The following CFDP1 variants were observed in gnomAD, a reference collection of about 807,000 sequenced individuals.
CFDP1 encodes heterochromatin-stabilizing protein CFDP1.
CFDP1 carries 31 observed loss-of-function variants against 40.1 expected under a neutral mutation model. The observed-to-expected ratio is 0.77, with a 90% CI of 0.58 to 1.04. The LOEUF is 1.04. Ranked by LOEUF, CFDP1 falls within the 50% of genes least tolerant of loss-of-function variation. The pLI is 0.00. For missense variants in CFDP1, 423 were observed against 343.4 expected (o/e 1.23, Z -1.83); for synonymous variants, 167 against 120.0 (o/e 1.39, Z -2.56).
intron 1 of CFDP1, among the ~76,000 whole-genome samples, chr16:75,416,605 C>CA (rs1189020439): frequency 1.3e-5 from 2 of 151,800 alleles, no homozygotes; most frequent in Non-Finnish European, 2.9e-5. Flanking sequence ...CAAAAAAATA[C>CA]AAAAATTAGC....
At position 75,313,917 on chromosome 16, in the gene CFDP1, C is replaced by T. The variant is rs1233093674; in HGVS notation, c.651-8735G>A. 2.0e-5 allele frequency among the ~76,000 whole-genome samples: 3 copies of T among 151,794 alleles called. No homozygotes were observed. The East Asian group carries it at 5.8e-4, about 29-fold the overall frequency. ...TTGTTTTTTTTTAGACGGAGCCTTG[C>T]TCTGTTGCCCAAGCTACAGTGCAGT... On this transcript the variant is annotated intron_variant, in intron 5 of 6. Coordinates refer to ENST00000283882, the MANE Select transcript of CFDP1 (RefSeq NM_006324.3).
chr16:75,405,014 T>C (rs923412555), intron 4 of CFDP1, among the ~76,000 whole-genome samples: 6 of 152,194 alleles, frequency 3.9e-5, no homozygotes, highest in South Asian at 2.1e-4. Context: ...CAAAACTACC[T>C]GTTATTGGTC....
rs756591611 is a variant in CFDP1, at chr16:75,433,270, C to G, written c.64+19G>C. ...TGGGGCGGGGCAATTCGCTTCTCGC[C>G]TCAGGCGGAATCGCTCACCCGACGG... is the stretch of plus-strand genomic sequence containing the variant. On this transcript the variant is annotated intron_variant, in intron 1 of 6. Coordinates refer to ENST00000283882, the MANE Select transcript of CFDP1 (RefSeq NM_006324.3). 6.3e-7 allele frequency: 1 copy of G among 1,589,534 alleles called. No individual in the cohort carries two copies. Among genetic ancestry groups the G allele is most frequent in the Non-Finnish European group, 8.5e-7 (1 of 1,170,284 alleles).
chr16:75,347,343 C>CAAAAAAAAAAAAAAAAAA (rs762900031), intron 5 of CFDP1, among the ~76,000 whole-genome samples: 12 of 91,608 alleles, frequency 1.3e-4, no homozygotes, highest in Non-Finnish European at 2.1e-4. Flanking sequence ...GACTCCATCT[C>CAAAAAAAAAAAAAAAAAA]AAAAAAAAAA....
chr16:75,338,940 C>T (rs2078508844), intron 5 of CFDP1, among the ~76,000 whole-genome samples: 1 of 152,184 alleles, frequency 6.6e-6, no homozygotes, highest in Non-Finnish European at 1.5e-5. Flanking sequence ...TTTTCTCTCT[C>T]TGGACGCTTC....
chr16:75,306,785 C>T (rs1360383460), intron 5 of CFDP1, among the ~76,000 whole-genome samples: 1 of 152,042 alleles, frequency 6.6e-6, no homozygotes, highest in Non-Finnish European at 1.5e-5. Context: ...CTTAAGAGAA[C>T]TCCAAATAGC....
chr16:75,316,781 C>T (rs1391569733), intron 5 of CFDP1, among the ~76,000 whole-genome samples: 1 of 151,936 alleles, frequency 6.6e-6, no homozygotes, highest in Non-Finnish European at 1.5e-5. Context: ...ACCAGCCTGA[C>T]CAACACAGAG....
intron 5 of CFDP1, among the ~76,000 whole-genome samples, chr16:75,358,085 G>A (rs901455050): frequency 6.6e-6 from 1 of 152,096 alleles, no homozygotes; most frequent in Non-Finnish European, 1.5e-5. Flanking sequence ...GGCTCATGGT[G>A]CTCCAAAACA....
intron 4 of CFDP1, among the ~76,000 whole-genome samples, chr16:75,410,089 C>G (rs1018433957): frequency 1.4e-4 from 15 of 106,480 alleles, no homozygotes; most frequent in South Asian, 6.2e-4. Context: ...AAAAAAAACC[C>G]AAAACAAAAA....
At chr16:75,344,301 G>C (rs66886787) in intron 5 of CFDP1, among the ~76,000 whole-genome samples, 1 of 152,070 alleles carries the variant, frequency 6.6e-6, no homozygotes, top group Admixed American at 6.5e-5. Context: ...GTGTATGTAC[G>C]AAATGCCACT....
rs142410408 is a variant in CFDP1, at chr16:75,312,316, A to T, written c.651-7134T>A. Among the ~76,000 whole-genome samples, 57 of 152,342 alleles carry T rather than the reference A, an allele frequency of 3.7e-4. 1 individual carries two copies. The highest frequency in any genetic ancestry group is 1.4e-3 in the African/African-American group (57 of 41,580). The stretch of plus-strand genomic sequence containing the variant: ...AGGAAAGCAGAAAACCAGAAGTATG[A>T]CAAGAAGTTCCAAAGATTTTTAAAC... On this transcript the variant is annotated intron_variant, in intron 5 of 6. Coordinates refer to ENST00000283882, the MANE Select transcript of CFDP1 (RefSeq NM_006324.3).
intron 5 of CFDP1, among the ~76,000 whole-genome samples, chr16:75,330,570 C>T (rs1450057588): frequency 6.6e-6 from 1 of 152,140 alleles, no homozygotes; most frequent in African/African-American, 2.4e-5. Flanking sequence ...GCCTGGGCAA[C>T]AAGAGTGAAA....
Position 75,410,055 on chromosome 16 carries a change from C to CAA in CFDP1, c.530+1768_530+1769dup, listed in dbSNP as rs150987819. 1.4e-3 allele frequency among the ~76,000 whole-genome samples: 73 copies of CAA among 52,550 alleles called. 3 individuals are homozygous for CAA. Among genetic ancestry groups the CAA allele is most frequent in the African/African-American group, 4.3e-3 (54 of 12,536 alleles). The allele number at this position is 52,550 out of a possible 152,430, so 34.5% of individuals were successfully genotyped here. A position where few individuals can be genotyped will look rare whatever the true frequency, so the allele number is the denominator to read the frequency against. ...TAGGCAACACAGCAAGACCCTTTCT[C>CAA]AAAAAAAAAAAAAAAAAAAAAAAAA... On this transcript the variant is annotated intron_variant, in intron 4 of 6. Transcript: ENST00000283882.
chr16:75,397,124 C>T (rs964541988), intron 4 of CFDP1, among the ~76,000 whole-genome samples: 3 of 151,814 alleles, frequency 2.0e-5, no homozygotes, highest in Non-Finnish European at 1.5e-5. Context: ...CCGTGTTAGC[C>T]AGGATGGTCT....
At chr16:75,357,572 G>A (rs1000670412) in intron 5 of CFDP1, among the ~76,000 whole-genome samples, 5 of 152,094 alleles carry the variant, frequency 3.3e-5, no homozygotes, top group Non-Finnish European at 4.4e-5. Flanking sequence ...TCTTTCTAAG[G>A]AAAGAATCTC....
rs564065049 is a variant in CFDP1, at chr16:75,322,175, T to C, written c.651-16993A>G. Among the ~76,000 whole-genome samples the C allele has an allele frequency of 1.1e-4, 16 of 152,342 alleles. No homozygotes were observed. In the South Asian group the frequency reaches 1.9e-3, roughly 18 times the overall value. On this transcript the variant is annotated intron_variant, in intron 5 of 6. Coordinates refer to ENST00000283882, the MANE Select transcript of CFDP1 (RefSeq NM_006324.3). Reference sequence around the variant, plus strand: ...ACATGATGGTCATGCATACATTTTGTAAGAAGAATCAGAAATCTAGTCTTT... The same window carrying C: ...ACATGATGGTCATGCATACATTTTGCAAGAAGAATCAGAAATCTAGTCTTT...
chr16:75,362,457 T>C (rs965591151), intron 5 of CFDP1, among the ~76,000 whole-genome samples: 4 of 152,220 alleles, frequency 2.6e-5, no homozygotes, highest in Admixed American at 6.5e-5. Context: ...AGTCTCAACT[T>C]TTAATTTTAC....
intron 5 of CFDP1, among the ~76,000 whole-genome samples, chr16:75,345,493 C>T (rs2078556647): frequency 6.6e-6 from 1 of 151,944 alleles, no homozygotes; most frequent in Non-Finnish European, 1.5e-5. Flanking sequence ...AAAACATTAT[C>T]TGGGCATGGT....
chr16:75,397,806 A>AAAAT (rs920788440), intron 4 of CFDP1, among the ~76,000 whole-genome samples: 2 of 152,186 alleles, frequency 1.3e-5, no homozygotes, highest in African/African-American at 4.8e-5. Context: ...TCCGTCTCAA[A>AAAAT]AAATAAATAA....
Sources: gnomAD v4.1 joint callset for allele counts (sites outside exome capture counted in the v4.1 genomes callset) on GRCh38, gnomAD v4.1.1 for gene constraint, MANE v1.5 for transcripts, NCBI Gene and HGNC (gene_info 2026-07-23, HGNC 2026-07-21) for gene names.